The following ZNF100 variants were observed in gnomAD, a reference collection of about 807,000 sequenced individuals.
ZNF100 encodes the protein zinc finger protein 100 (Y1).
In ZNF100, 12 loss-of-function variants were observed where a neutral mutation model predicts 15.8. The ratio of observed to expected loss-of-function variants is 0.76; its 90% confidence interval spans 0.49 to 1.23. The LOEUF is 1.23. Among genes scored for constraint, ZNF100 ranks in the 50% most tolerant of loss-of-function variants. The pLI is 0.00. For synonymous variants in ZNF100, 226 were observed against 214.8 expected (o/e 1.05, Z -0.45); for missense variants, 670 against 635.6 (o/e 1.05, Z -0.58).
chr19:21,730,378 C>T (rs1599377562), intron 4 of ZNF100, among the ~76,000 whole-genome samples: 1 of 149,112 alleles, frequency 6.7e-6, no homozygotes, highest in Non-Finnish European at 1.5e-5. Flanking sequence ...AAATGTACTG[C>T]AAGTCAAAAC....
At chr19:21,755,915 C>T (rs2036385991) in intron 2 of ZNF100, among the ~76,000 whole-genome samples, 1 of 152,078 alleles carries the variant, frequency 6.6e-6, no homozygotes, top group South Asian at 2.1e-4. Context: ...GGAAACTACA[C>T]CCACAGGGCC....
At chr19:21,738,123 C>T (rs764232721) in intron 4 of ZNF100, among the ~76,000 whole-genome samples, 15 of 151,366 alleles carry the variant, frequency 9.9e-5, no homozygotes, top group African/African-American at 3.4e-4. Context: ...TGGTAGCGCA[C>T]GCCTGTGATC....
chr19:21,727,620 T>C lies in ZNF100; in HGVS notation c.692A>G (p.Asn231Ser), dbSNP rs1378680597. 1 of 1,612,300 alleles carries C rather than the reference T, an allele frequency of 6.2e-7. No homozygotes were observed. ...GCCACAATCTTTACATTGGTAGGAATTCTCTGTAATATGAAATCTTTTATG... is the reference window on the plus strand; with the variant it reads ...GCCACAATCTTTACATTGGTAGGAACTCTCTGTAATATGAAATCTTTTATG... The part of the protein sequence containing the change: ...TQHKRFHITE[N>S]SYQCKDCGKA... Residue 231 changes from asparagine (N) to serine (S), a missense_variant, in exon 5 of 5, where the codon AAT becomes AGT. By Grantham distance (46) the Asn-to-Ser change is conservative. Coordinates refer to ENST00000358296, the MANE Select transcript of ZNF100 (RefSeq NM_173531.4).
At position 21,731,303 on chromosome 19, in the gene ZNF100, T is replaced by C. The variant is rs891514913; in HGVS notation, c.323-3314A>G. ...GCAAGTTTCTTTCCTTTTTCTTTCC[T>C]TTTTTTTTTATTTTTTATTTTTTGA... On this transcript the variant is annotated intron_variant, in intron 4 of 4. Transcript: ENST00000358296. Among the ~76,000 whole-genome samples, 580 of 144,046 alleles carry C rather than the reference T, an allele frequency of 4.0e-3. 6 individuals are homozygous for C. The highest frequency in any genetic ancestry group is 0.015 in the African/African-American group (555 of 36,846). The allele number at this position is 144,046 out of a possible 152,430, so 94.5% of individuals were successfully genotyped here.
chr19:21,754,845 A>G (rs773368077), intron 2 of ZNF100, among the ~76,000 whole-genome samples: 1 of 152,198 alleles, frequency 6.6e-6, no homozygotes, highest in Non-Finnish European at 1.5e-5. Context: ...CCATCATCAG[A>G]ATGAACAGAC....
Position 21,727,968 on chromosome 19 carries a change from T to C in ZNF100, c.344A>G (p.Gln115Arg). 1.3e-6 allele frequency: 2 copies of C among 1,530,462 alleles called. No homozygotes were observed. The allele number at this position is 1,530,462 out of a possible 1,614,324, so 94.8% of individuals were successfully genotyped here. A position where few individuals can be genotyped will look rare whatever the true frequency, so the allele number is the denominator to read the frequency against. The change falls in exon 5 of 5, where the codon CAA (glutamine) becomes CGA (arginine). Residue 115 changes from glutamine (Q) to arginine (R), a missense_variant. Coordinates refer to ENST00000358296, the MANE Select transcript of ZNF100 (RefSeq NM_173531.4). The stretch of plus-strand genomic sequence containing the variant: ...AATGTCCTGCTCTGCCCAAAGGTCT[T>C]GGGGAAAATGAGAACATATAACTGA... ...KPPVICSHFPQDLWAEQDIKD... is the reference protein window; with the variant it reads ...KPPVICSHFPRDLWAEQDIKD...
chr19:21,766,495 T>C (rs1452295238), intron 1 of ZNF100, among the ~76,000 whole-genome samples: 1 of 151,786 alleles, frequency 6.6e-6, no homozygotes, highest in Non-Finnish European at 1.5e-5. Flanking sequence ...TAAACAACTA[T>C]AAACTGTTAA....
chr19:21,743,948 A>C (rs1185035000), intron 4 of ZNF100, 69 bp downstream of exon 4: 3 of 1,461,714 alleles, frequency 2.1e-6, no homozygotes, highest in Non-Finnish European at 1.8e-6. Flanking sequence ...ACCACATTTT[A>C]ATGACCAGCT....
intron 2 of ZNF100, 132 bp from the exon 3 acceptor site, chr19:21,745,199 A>G: frequency 1.4e-6 from 2 of 1,381,288 alleles, no homozygotes; most frequent in Non-Finnish European, 1.9e-6. Context: ...AAATTTTCCA[A>G]TAATTTTTAA....
intron 4 of ZNF100, among the ~76,000 whole-genome samples, chr19:21,729,716 T>C (rs1285130695): frequency 6.6e-6 from 1 of 152,132 alleles, no homozygotes; most frequent in Non-Finnish European, 1.5e-5. Flanking sequence ...AGCATTATCA[T>C]AATGGTGCAG....
In ZNF100 at chr19:21,744,081, G is replaced by A. The variant is rs199872286; in HGVS notation, c.258C>T (p.Thr86=). The change falls in exon 4 of 5, where the codon ACC becomes ACT. Residue 86 remains threonine (T), a synonymous_variant. Transcript: ENST00000358296. ...AGGGCTCTTTTCCTTGCTCCAGACA[G>A]GTGATCAGGTCTGGCTTAGTGAGAG... ...GIALTKPDLI[T]CLEQGKEPWN... is the part of the protein sequence containing the mutation. 439 of 1,611,828 alleles carry A rather than the reference G, an allele frequency of 2.7e-4. No individual in the cohort carries two copies. The highest frequency in any genetic ancestry group is 2.8e-4 in the Non-Finnish European group (331 of 1,179,386).
At chr19:21,747,078 T>C (rs1164551313) in intron 2 of ZNF100, among the ~76,000 whole-genome samples, 1 of 152,132 alleles carries the variant, frequency 6.6e-6, no homozygotes, top group Non-Finnish European at 1.5e-5. Context: ...AAGTTTCTCC[T>C]TTCCTGTCTC....
intron 2 of ZNF100, among the ~76,000 whole-genome samples, chr19:21,757,497 T>C (rs2036409922): frequency 6.6e-6 from 1 of 152,204 alleles, no homozygotes; most frequent in African/African-American, 2.4e-5. Flanking sequence ...GGAATGCTTT[T>C]ATACACTGTT....
intron 2 of ZNF100, among the ~76,000 whole-genome samples, chr19:21,747,803 A>T (rs2036236786): frequency 6.6e-6 from 1 of 152,220 alleles, no homozygotes; most frequent in African/African-American, 2.4e-5. Flanking sequence ...ATTATTAAGC[A>T]GGTACTATGT....
intron 4 of ZNF100, 54 bp downstream of exon 4, chr19:21,743,963 T>C: frequency 6.5e-7 from 1 of 1,530,500 alleles, no homozygotes; most frequent in South Asian, 1.3e-5. Flanking sequence ...CCAGCTTTCT[T>C]TTTGACCTTT....
At chr19:21,728,527 G>A (rs1444542126) in intron 4 of ZNF100, among the ~76,000 whole-genome samples, 1 of 152,030 alleles carries the variant, frequency 6.6e-6, no homozygotes, top group Non-Finnish European at 1.5e-5. Flanking sequence ...GGTGTAGCAC[G>A]TGATTATTAT....
chr19:21,762,353 A>G (rs1437235292), intron 2 of ZNF100, among the ~76,000 whole-genome samples: 1 of 152,250 alleles, frequency 6.6e-6, no homozygotes, highest in Non-Finnish European at 1.5e-5. Flanking sequence ...ACAAATGCCC[A>G]GTTCATGAAA....
chr19:21,757,098 T>A (rs1194462723), intron 2 of ZNF100, among the ~76,000 whole-genome samples: 2 of 151,972 alleles, frequency 1.3e-5, no homozygotes, highest in African/African-American at 4.8e-5. Context: ...AGGTAAGGAG[T>A]GCGATACCAG....
chr19:21,726,477 G>C lies in ZNF100; in HGVS notation c.*206C>G. 2 of 525,998 alleles carry C rather than the reference G, an allele frequency of 3.8e-6. No individual in the cohort carries two copies. Among genetic ancestry groups the C allele is most frequent in the East Asian group, 3.0e-5 (1 of 33,046 alleles). 32.6% of individuals were successfully genotyped at this position (525,998 alleles called of 1,614,324 possible). On this transcript the variant is annotated 3_prime_UTR_variant, in exon 5 of 5. Transcript: ENST00000358296. ...TTCTCAACACTATGATTTATGTTTT[G>C]AAAAGTTTGAGGTGTTTTCAAAGCA... is the stretch of plus-strand genomic sequence containing the variant.
Sources: gnomAD v4.1 joint callset for allele counts (sites outside exome capture counted in the v4.1 genomes callset) on GRCh38, gnomAD v4.1.1 for gene constraint, MANE v1.5 for transcripts, NCBI Gene and HGNC (gene_info 2026-07-23, HGNC 2026-07-21) for gene names.